The following STIM1 variants were observed in gnomAD, a reference collection of about 807,000 sequenced individuals.
STIM1 encodes the protein stromal interaction molecule 1.
Under a neutral mutation model 74.7 loss-of-function variants are expected in STIM1, and 25 were observed. That is an observed-to-expected ratio of 0.33 (90% CI 0.24 to 0.47). The LOEUF is 0.47. Among genes scored for constraint, STIM1 ranks in the 20% least tolerant of loss-of-function variants. STIM1 has a pLI of 1.00. For missense variants in STIM1, 728 were observed against 920.8 expected (o/e 0.79, Z 2.71); for synonymous variants, 328 against 348.8 (o/e 0.94, Z 0.66).
At chr11:3,888,743 G>T (rs912975958) in intron 1 of STIM1, among the ~76,000 whole-genome samples, 3 of 152,024 alleles carry the variant, frequency 2.0e-5, no homozygotes, top group Non-Finnish European at 4.4e-5. Flanking sequence ...GTAGAGACGG[G>T]GTTTCACCAT....
intron 6 of STIM1, among the ~76,000 whole-genome samples, chr11:4,071,754 G>A (rs1172684783): frequency 6.6e-6 from 1 of 152,176 alleles, no homozygotes; most frequent in Non-Finnish European, 1.5e-5. Flanking sequence ...AATCACTATG[G>A]CCCTTTGAAG....
Position 3,941,673 on chromosome 11 carries a change from TAGAG to T in STIM1, c.140-25858_140-25855del, listed in dbSNP as rs1554959602. Among the ~76,000 whole-genome samples, 426 of 90,690 alleles carry T rather than the reference TAGAG, an allele frequency of 4.7e-3. 2 individuals are homozygous for T. The highest frequency in any genetic ancestry group is 0.034 in the Admixed American group (253 of 7,366). 59.5% of individuals were successfully genotyped at this position (90,690 alleles called of 152,430 possible). A position where few individuals can be genotyped will look rare whatever the true frequency, so the allele number is the denominator to read the frequency against. On this transcript the variant is annotated intron_variant, in intron 1 of 12. Coordinates refer to ENST00000526596, the MANE Select transcript of STIM1 (RefSeq NM_001382567.1). ...GTATACATATATATATATATATATA[TAGAG>T]AGAGAGAGAGAGAGAGAGAGTGTGT...
chr11:3,973,421 A>G, intron 2 of STIM1: 1 of 379,030 alleles, frequency 2.6e-6, no homozygotes, highest in East Asian at 6.4e-5. Flanking sequence ...TTCTCTCGAG[A>G]CAAGGTCTTG....
At chr11:3,996,394 G>T (rs1359752309) in intron 2 of STIM1, among the ~76,000 whole-genome samples, 1 of 152,188 alleles carries the variant, frequency 6.6e-6, no homozygotes, top group Non-Finnish European at 1.5e-5. Context: ...CCAAGGTAAA[G>T]CTCTCGTCCT....
chr11:4,057,976 A>G (rs142611409), intron 4 of STIM1, among the ~76,000 whole-genome samples: 114 of 152,308 alleles, frequency 7.5e-4, no homozygotes, highest in African/African-American at 2.6e-3. Flanking sequence ...ACAGTAGCAG[A>G]CACACAGTAG....
intron 3 of STIM1, among the ~76,000 whole-genome samples, chr11:4,038,847 A>T (rs1178629991): frequency 6.6e-6 from 1 of 151,946 alleles, no homozygotes; most frequent in African/African-American, 2.4e-5. Context: ...GAGTTTTCCC[A>T]TTTTTCTCTC....
At chr11:4,056,433 T>A (rs1251108407) in intron 4 of STIM1, among the ~76,000 whole-genome samples, 1 of 152,254 alleles carries the variant, frequency 6.6e-6, no homozygotes, top group Non-Finnish European at 1.5e-5. Flanking sequence ...GGGTACCTGC[T>A]CTGTGCCAAG....
intron 1 of STIM1, among the ~76,000 whole-genome samples, chr11:3,857,589 C>A (rs1028186830): frequency 7.2e-5 from 11 of 151,894 alleles, no homozygotes; most frequent in African/African-American, 2.4e-4. Flanking sequence ...TCTCTTTTCC[C>A]ATTTCTCTCA....
chr11:4,039,619 A>G (rs1327882455), intron 3 of STIM1, among the ~76,000 whole-genome samples: 2 of 150,648 alleles, frequency 1.3e-5, no homozygotes, highest in African/African-American at 2.4e-5. Context: ...AAGAAAGAAA[A>G]TGTCAGTGAT....
chr11:3,987,795 G>A (rs986556274), intron 2 of STIM1, among the ~76,000 whole-genome samples: 2 of 141,744 alleles, frequency 1.4e-5, no homozygotes, highest in Admixed American at 7.1e-5. Context: ...AGGATATTTT[G>A]TCCTTAAGGA....
intron 2 of STIM1, among the ~76,000 whole-genome samples, chr11:3,994,320 A>T (rs1046306215): frequency 1.3e-5 from 2 of 151,920 alleles, no homozygotes; most frequent in Non-Finnish European, 2.9e-5. Flanking sequence ...CGTTTTACTT[A>T]ATGTGTCTAT....
intron 1 of STIM1, among the ~76,000 whole-genome samples, chr11:3,883,804 A>G (rs1268864350): frequency 6.6e-6 from 1 of 152,208 alleles, no homozygotes; most frequent in Admixed American, 6.5e-5. Flanking sequence ...TTGAGTATAG[A>G]CTGAAGACTT....
At chr11:4,038,239 TG>T (rs2094119949) in intron 3 of STIM1, among the ~76,000 whole-genome samples, 1 of 152,076 alleles carries the variant, frequency 6.6e-6, no homozygotes, top group Non-Finnish European at 1.5e-5. Flanking sequence ...TTTGCCATGT[TG>T]GTCAGGCTGG....
intron 1 of STIM1, among the ~76,000 whole-genome samples, chr11:3,932,518 C>T (rs529756683): frequency 7.2e-5 from 11 of 151,956 alleles, no homozygotes; most frequent in East Asian, 3.9e-4. Flanking sequence ...AAAAATCAGC[C>T]GGGCGTGGTG....
intron 2 of STIM1, among the ~76,000 whole-genome samples, chr11:3,990,873 G>A (rs985438174): frequency 2.0e-5 from 3 of 151,966 alleles, no homozygotes; most frequent in East Asian, 3.9e-4. Flanking sequence ...AGTATATTGC[G>A]TGATGCTGAG....
chr11:4,043,181 A>G (rs1159421634), intron 3 of STIM1, among the ~76,000 whole-genome samples: 1 of 152,184 alleles, frequency 6.6e-6, no homozygotes, highest in Non-Finnish European at 1.5e-5. Flanking sequence ...CTAAAATGCC[A>G]GGGGTTTGGC....
intron 12 of STIM1, among the ~76,000 whole-genome samples, chr11:4,090,321 G>A (rs1186134854): frequency 6.6e-6 from 1 of 152,174 alleles, no homozygotes; most frequent in South Asian, 2.1e-4. Context: ...GATCACACAG[G>A]AGTCCAGACC....
At chr11:4,022,146 A>C (rs748906313) in intron 2 of STIM1, among the ~76,000 whole-genome samples, 214 of 151,848 alleles carry the variant, frequency 1.4e-3, no homozygotes, top group Non-Finnish European at 2.5e-3. Flanking sequence ...AGCCTGGGTA[A>C]CGTGGTAAAA....
chr11:3,869,540 G>C (rs1590509116), intron 1 of STIM1, among the ~76,000 whole-genome samples: 1 of 152,182 alleles, frequency 6.6e-6, no homozygotes, highest in African/African-American at 2.4e-5. Flanking sequence ...CCAGTCATAG[G>C]AAATGTTATG....
Sources: gnomAD v4.1 joint callset for allele counts (sites outside exome capture counted in the v4.1 genomes callset) on GRCh38, gnomAD v4.1.1 for gene constraint, MANE v1.5 for transcripts, NCBI Gene and HGNC (gene_info 2026-07-23, HGNC 2026-07-21) for gene names.